The following OPCML variants were observed in gnomAD, a reference collection of about 807,000 sequenced individuals.
OPCML encodes the protein opioid binding protein/cell adhesion molecule like.
In OPCML, 13 loss-of-function variants were observed where a neutral mutation model predicts 37.8. That is an observed-to-expected ratio of 0.34 (90% CI 0.22 to 0.55). The LOEUF (loss-of-function observed/expected upper bound fraction) is 0.55. OPCML is among the 20% of genes least tolerant of loss of function. OPCML has a pLI of 0.91. For missense variants in OPCML, 341 were observed against 435.6 expected (o/e 0.78, Z 1.93); for synonymous variants, 176 against 168.8 (o/e 1.04, Z -0.33).
intron 1 of OPCML, among the ~76,000 whole-genome samples, chr11:133,504,075 C>G (rs1238718382): frequency 6.6e-6 from 1 of 152,194 alleles, no homozygotes; most frequent in Non-Finnish European, 1.5e-5. Flanking sequence ...AATCAGCACT[C>G]TGCGGAGACT....
At chr11:132,474,358 G>A (rs1359089903) in intron 4 of OPCML, among the ~76,000 whole-genome samples, 1 of 152,080 alleles carries the variant, frequency 6.6e-6, no homozygotes, top group Non-Finnish European at 1.5e-5. Flanking sequence ...TAAATTAAGA[G>A]GAATTGGACC....
intron 1 of OPCML, among the ~76,000 whole-genome samples, chr11:133,481,539 T>C (rs1409254546): frequency 1.3e-5 from 2 of 152,198 alleles, no homozygotes; most frequent in Non-Finnish European, 2.9e-5. Flanking sequence ...ATTCAGGCCA[T>C]CCATGGGAAT....
chr11:133,180,887 G>A (rs1229044915), intron 1 of OPCML, among the ~76,000 whole-genome samples: 1 of 150,344 alleles, frequency 6.7e-6, no homozygotes, highest in Non-Finnish European at 1.5e-5. Flanking sequence ...ATTTAAAACT[G>A]TTTTATGTTC....
chr11:132,460,275 G>T (rs150296839), intron 4 of OPCML, among the ~76,000 whole-genome samples: 24 of 152,008 alleles, frequency 1.6e-4, no homozygotes, highest in African/African-American at 4.6e-4. Flanking sequence ...TGCTAGCAAA[G>T]CCAATGATGC....
intron 1 of OPCML, among the ~76,000 whole-genome samples, chr11:133,100,886 A>C (rs1318652352): frequency 6.6e-6 from 1 of 152,222 alleles, no homozygotes; most frequent in African/African-American, 2.4e-5. Flanking sequence ...GGAGAAGCCT[A>C]GATGACCTTG....
chr11:133,276,685 G>C (rs555785668), intron 1 of OPCML, among the ~76,000 whole-genome samples: 94 of 152,088 alleles, frequency 6.2e-4, no homozygotes, highest in African/African-American at 2.2e-3. Flanking sequence ...CATTTTTCTC[G>C]ATCTCTCTGG....
intron 1 of OPCML, among the ~76,000 whole-genome samples, chr11:133,528,333 C>T (rs1046173012): frequency 5.3e-5 from 8 of 152,190 alleles, no homozygotes; most frequent in African/African-American, 1.4e-4. Flanking sequence ...CACATGATGG[C>T]GTGAATCCAT....
intron 2 of OPCML, among the ~76,000 whole-genome samples, chr11:132,658,358 C>G (rs1941806706): frequency 1.3e-5 from 2 of 152,198 alleles, no homozygotes; most frequent in Admixed American, 1.3e-4. Context: ...CTGGATCTGA[C>G]CTAACACTTG....
chr11:133,307,708 T>G lies in OPCML; in HGVS notation c.61+224556A>C, dbSNP rs898808995. On this transcript the variant is annotated intron_variant, in intron 1 of 7. Transcript: ENST00000524381. ...ATCAAGTAGCAAACTGGGATTGAAC[T>G]CAGGTGCGTTTTGATTCCAATATCT... Among the ~76,000 whole-genome samples the G allele has an allele frequency of 5.9e-5, 9 of 152,160 alleles. No homozygotes were observed. In the East Asian group the frequency reaches 1.7e-3, roughly 29 times the overall value.
rs769702948 is a variant in OPCML, at chr11:133,302,970, A to G, written c.61+229294T>C. Among the ~76,000 whole-genome samples, 63 of 152,308 alleles carry G rather than the reference A, an allele frequency of 4.1e-4. 1 individual carries two copies. Among genetic ancestry groups the G allele is most frequent in the Admixed American group, 1.2e-3 (18 of 15,302 alleles). On this transcript the variant is annotated intron_variant, in intron 1 of 7. Transcript: ENST00000524381. ...ACATAGGAATGATTAATTTGACAAC[A>G]TACTAAAATGCCAAGATTTTCCATT...
At chr11:133,070,782 G>C (rs1000803883) in intron 1 of OPCML, among the ~76,000 whole-genome samples, 1 of 152,194 alleles carries the variant, frequency 6.6e-6, no homozygotes, top group East Asian at 1.9e-4. Flanking sequence ...AATGAAAATT[G>C]TACCAGGGAT....
chr11:133,430,349 A>C (rs993392331), intron 1 of OPCML, among the ~76,000 whole-genome samples: 1 of 152,260 alleles, frequency 6.6e-6, no homozygotes, highest in Non-Finnish European at 1.5e-5. Flanking sequence ...AGAAGTTGGC[A>C]CTACAGGCAA....
chr11:132,658,284 G>A (rs1441845911), intron 2 of OPCML, among the ~76,000 whole-genome samples: 3 of 152,228 alleles, frequency 2.0e-5, no homozygotes, highest in Admixed American at 6.5e-5. Context: ...GCAGAGAGAG[G>A]AGGGACTTGA....
At chr11:133,221,696 G>A (rs920460206) in intron 1 of OPCML, among the ~76,000 whole-genome samples, 2 of 152,146 alleles carry the variant, frequency 1.3e-5, no homozygotes, top group Non-Finnish European at 2.9e-5. Flanking sequence ...GGTGAGAAGG[G>A]AATTATGCTG....
chr11:132,509,169 A>T (rs1401943780), intron 4 of OPCML, among the ~76,000 whole-genome samples: 1 of 152,270 alleles, frequency 6.6e-6, no homozygotes, highest in South Asian at 2.1e-4. Flanking sequence ...TCCTTGTCCT[A>T]CAGATTTGTG....
chr11:132,554,304 G>A (rs1198042292), intron 3 of OPCML, among the ~76,000 whole-genome samples: 1 of 152,184 alleles, frequency 6.6e-6, no homozygotes, highest in African/African-American at 2.4e-5. Flanking sequence ...AAAATCTTTA[G>A]TTGGCTCCCA....
intron 1 of OPCML, among the ~76,000 whole-genome samples, chr11:132,945,973 G>A (rs1945738227): frequency 6.6e-6 from 1 of 152,160 alleles, no homozygotes; most frequent in African/African-American, 2.4e-5. Flanking sequence ...TAGTAGAGAC[G>A]GGGTTTCACC....
chr11:132,542,024 A>C (rs1167110889), intron 3 of OPCML, among the ~76,000 whole-genome samples: 2 of 152,198 alleles, frequency 1.3e-5, no homozygotes, highest in Non-Finnish European at 2.9e-5. Flanking sequence ...GCATCTTCTC[A>C]TTCTCTGCTT....
At chr11:132,738,967 C>T (rs980567721) in intron 2 of OPCML, among the ~76,000 whole-genome samples, 1 of 152,054 alleles carries the variant, frequency 6.6e-6, no homozygotes, top group Non-Finnish European at 1.5e-5. Context: ...AACAATTGAG[C>T]AACAGCAGAT....
Sources: allele counts gnomAD v4.1 joint callset (sites outside exome capture counted in the v4.1 genomes callset), GRCh38; gene constraint gnomAD v4.1.1; transcripts MANE v1.5; gene names NCBI Gene and HGNC (gene_info 2026-07-23, HGNC 2026-07-21).